Variants in SYNJ1 observed in about 807,000 individuals in gnomAD.
The protein encoded by SYNJ1 is synaptojanin 1, also known as polyphosphatidylinositol phosphatase SYNJ1.
In SYNJ1, 78 loss-of-function variants were observed where a neutral mutation model predicts 168.2. That is an observed-to-expected ratio of 0.46 (90% CI 0.39 to 0.56). The LOEUF (loss-of-function observed/expected upper bound fraction) is 0.56. SYNJ1 is among the 20% of genes least tolerant of loss of function. SYNJ1 has a pLI of 0.00. For missense variants in SYNJ1, 1,303 were observed against 1,597.6 expected, an observed-to-expected ratio of 0.82 and a Z score of 3.14; for synonymous variants, 539 against 548.6, an observed-to-expected ratio of 0.98 and a Z score of 0.24.
At chr21:32,683,912 T>A in intron 10 of SYNJ1, 126 bp downstream of exon 10, 1 of 765,550 alleles carries the variant, frequency 1.3e-6, no homozygotes, top group Non-Finnish European at 2.1e-6. Flanking sequence ...AGACAGAGAT[T>A]AGAAGTACAA....
intron 9 of SYNJ1, 54 bp downstream of exon 9, chr21:32,685,688 TTAAGAA>T: frequency 3.8e-6 from 5 of 1,308,092 alleles, no homozygotes; most frequent in South Asian, 4.3e-5. Context: ...GAGTTCAACG[TTAAGAA>T]TAATTTTTAA....
rs1304102538 is a variant in SYNJ1 at position 32,631,279 on chromosome 21, C to A, written c.*526G>T. ...TCTTCTTCCTCGAAGGTTACCCATC[C>A]TTTCGGGTTGCTAATTTTTAATGTA... On this transcript the variant is annotated 3_prime_UTR_variant, in exon 33 of 33. Transcript: ENST00000674351. 1 of 1,614,206 alleles carries A rather than the reference C, an allele frequency of 6.2e-7. No homozygotes were observed. Among genetic ancestry groups the A allele is most frequent in the South Asian group, 1.1e-5 (1 of 91,082 alleles).
chr21:32,715,885 T>C (rs913468798), intron 2 of SYNJ1, among the ~76,000 whole-genome samples: 4 of 152,098 alleles, frequency 2.6e-5, no homozygotes, highest in African/African-American at 9.7e-5. Flanking sequence ...AAGTAATGAG[T>C]ATCCAACCAA....
chr21:32,693,768 A>G (rs1190380163), intron 6 of SYNJ1, among the ~76,000 whole-genome samples: 4 of 152,192 alleles, frequency 2.6e-5, no homozygotes, highest in Admixed American at 1.3e-4. Context: ...CCCATTATAC[A>G]GATAAGGAAA....
At chr21:32,654,098 A>G (rs1464406729) in intron 21 of SYNJ1, 1 of 152,208 alleles carries the variant, frequency 6.6e-6, no homozygotes, top group Non-Finnish European at 1.5e-5. Flanking sequence ...TTATTACAGA[A>G]AATTTGGCGA....
chr21:32,696,283 CT>C (rs1327835227), intron 4 of SYNJ1, among the ~76,000 whole-genome samples: 19 of 152,216 alleles, frequency 1.2e-4, no homozygotes, highest in African/African-American at 4.6e-4. Flanking sequence ...GCTCCAAATA[CT>C]TTTAGCATTC....
At chr21:32,720,887 T>C (rs947375494) in intron 2 of SYNJ1, among the ~76,000 whole-genome samples, 1 of 152,246 alleles carries the variant, frequency 6.6e-6, no homozygotes, top group African/African-American at 2.4e-5. Context: ...AAATGAATCA[T>C]TCACTTTATT....
Position 32,676,675 on chromosome 21 carries a change from A to G in SYNJ1, c.1511-320T>C, listed in dbSNP as rs146920389. Among the ~76,000 whole-genome samples, 1,313 of 152,302 alleles carry G rather than the reference A, an allele frequency of 8.6e-3. 13 individuals carry two copies. The highest frequency in any genetic ancestry group is 0.013 in the Non-Finnish European group (896 of 68,020). On this transcript the variant is annotated intron_variant, in intron 12 of 32. Transcript: ENST00000674351. ...GCGCACATGTTTGAGAATATTATGA[A>G]TATAAATATGAAAACCTAAGAAGAT...
Position 32,657,425 on chromosome 21 carries a change from C to T in SYNJ1, c.2461+291G>A, listed in dbSNP as rs188220636. On this transcript the variant is annotated intron_variant, in intron 19 of 32. Coordinates refer to ENST00000674351, the MANE Select transcript of SYNJ1 (RefSeq NM_203446.3). ...GACAAGTGGCAGTTCAAAACATATG[C>T]AAACCACTAAAGTTAGCTTAAAAAC... Among the ~76,000 whole-genome samples the T allele has an allele frequency of 8.3e-4, 127 of 152,276 alleles. No homozygotes were observed. The Middle Eastern group carries it at 0.01, about 12-fold the overall frequency.
At position 32,629,786 on chromosome 21, in the gene SYNJ1, T is replaced by C. The variant is rs1453857983; in HGVS notation, c.*2019A>G. 2 of 152,560 alleles carry C rather than the reference T, an allele frequency of 1.3e-5. No homozygotes were observed. Among genetic ancestry groups the C allele is most frequent in the African/African-American group, 4.8e-5 (2 of 41,588 alleles). 9.5% of individuals were successfully genotyped at this position (152,560 alleles called of 1,614,324 possible). ...ATTCTGTAAAAATTCTGTGTACTTC[T>C]TCAAAAAATTAATAAAAGCGGGATC... is the stretch of plus-strand genomic sequence containing the variant. On this transcript the variant is annotated 3_prime_UTR_variant, in exon 33 of 33. Coordinates refer to ENST00000674351, the MANE Select transcript of SYNJ1 (RefSeq NM_203446.3).
At chr21:32,663,813 A>T (rs910051318) in intron 18 of SYNJ1, among the ~76,000 whole-genome samples, 1 of 152,218 alleles carries the variant, frequency 6.6e-6, no homozygotes, top group Non-Finnish European at 1.5e-5. Context: ...CCTTGACTAT[A>T]CTGCCCTGGC....
intron 2 of SYNJ1, among the ~76,000 whole-genome samples, chr21:32,724,852 T>C (rs2043387876): frequency 6.6e-6 from 1 of 152,262 alleles, no homozygotes; most frequent in Non-Finnish European, 1.5e-5. Context: ...CATCCATTTA[T>C]GTTAGCTTTA....
intron 18 of SYNJ1, among the ~76,000 whole-genome samples, chr21:32,658,740 TCA>T (rs2040562195): frequency 6.6e-6 from 1 of 152,128 alleles, no homozygotes; most frequent in African/African-American, 2.4e-5. Context: ...GCTCCTGCAC[TCA>T]CTTACCAGAA....
At chr21:32,685,709 T>C (rs1272216374) in intron 9 of SYNJ1, 39 bp downstream of exon 9, 3 of 1,422,416 alleles carry the variant, frequency 2.1e-6, no homozygotes, top group Admixed American at 5.3e-5. Context: ...TTTTAATTAA[T>C]GTTCCAATTC....
At chr21:32,677,619 G>A (rs1388364946) in intron 12 of SYNJ1, among the ~76,000 whole-genome samples, 2 of 152,058 alleles carry the variant, frequency 1.3e-5, no homozygotes, top group Non-Finnish European at 2.9e-5. Context: ...CTCTACTTTT[G>A]GAAGCCAGGA....
At chr21:32,693,268 G>A (rs1332994930) in intron 6 of SYNJ1, among the ~76,000 whole-genome samples, 2 of 152,114 alleles carry the variant, frequency 1.3e-5, no homozygotes, top group Non-Finnish European at 2.9e-5. Flanking sequence ...GGTTCTGTTG[G>A]CATTCTCTCC....
intron 4 of SYNJ1, among the ~76,000 whole-genome samples, chr21:32,695,931 C>T (rs1003956955): frequency 1.3e-5 from 2 of 151,814 alleles, no homozygotes; most frequent in East Asian, 3.9e-4. Context: ...ACTGCAAGCT[C>T]TGCCTCCCAG....
intron 22 of SYNJ1, 75 bp downstream of exon 22, chr21:32,653,213 A>C: frequency 2.6e-6 from 3 of 1,164,244 alleles, no homozygotes; most frequent in Admixed American, 3.8e-5. Flanking sequence ...ATCTTGCTGC[A>C]TGTCTATAAA....
rs115334760 is a variant in SYNJ1 at position 32,651,307 on chromosome 21, T to C, written c.2875-961A>G. On this transcript the variant is annotated intron_variant, in intron 22 of 32. Coordinates refer to ENST00000674351, the MANE Select transcript of SYNJ1 (RefSeq NM_203446.3). ...TGTGATCAATATGCTGTGCTGACAG[T>C]TGGCACCTTTGTGGGTACAGATCTT... 5.8e-3 allele frequency among the ~76,000 whole-genome samples: 877 copies of C among 152,356 alleles called. 5 individuals carry two copies. Among genetic ancestry groups the C allele is most frequent in the African/African-American group, 0.02 (835 of 41,576 alleles).
Sources: gnomAD v4.1 joint callset for allele counts (sites outside exome capture counted in the v4.1 genomes callset) on GRCh38, gnomAD v4.1.1 for gene constraint, MANE v1.5 for transcripts, NCBI Gene and HGNC (gene_info 2026-07-23, HGNC 2026-07-21) for gene names.